The following PPP6R2 variants were observed in gnomAD, a reference collection of about 807,000 sequenced individuals.
PPP6R2 encodes the protein serine/threonine-protein phosphatase 6 regulatory subunit 2.
A neutral mutation model predicts 100.2 loss-of-function variants in PPP6R2; 62 were observed. That is an observed-to-expected ratio of 0.62 (90% CI 0.50 to 0.76). The LOEUF is 0.76. Among genes scored for constraint, PPP6R2 ranks in the 30% least tolerant of loss-of-function variants. The pLI is 0.00. For synonymous variants in PPP6R2, 525 were observed against 514.7 expected (o/e 1.02, Z -0.27); for missense variants, 1,142 against 1,276.3 (o/e 0.89, Z 1.60).
intron 4 of PPP6R2, among the ~76,000 whole-genome samples, chr22:50,411,360 C>T (rs1389354593): frequency 2.6e-5 from 4 of 151,722 alleles, no homozygotes; most frequent in Non-Finnish European, 5.9e-5. Context: ...GGGGCTGAGA[C>T]AGGAGAATCA....
At position 50,422,314 on chromosome 22, in the gene PPP6R2, C is replaced by T; in HGVS notation, c.906C>T (p.Ser302=). 6.2e-7 allele frequency: 1 copy of T among 1,614,142 alleles called. No homozygotes were observed. Among genetic ancestry groups the T allele is most frequent in the East Asian group, 2.2e-5 (1 of 44,874 alleles). The change falls in exon 9 of 24, where the codon AGC becomes AGT. Residue 302 remains serine, a synonymous_variant. Transcript: ENST00000612753. The stretch of plus-strand genomic sequence containing the variant: ...TGGAAAGGTCATACGCTGTCAGCAG[C>T]AGCGTACTACACGGCATCGAGCCTC... ...QGLERSYAVS[S]SVLHGIEPRL...
intron 2 of PPP6R2, among the ~76,000 whole-genome samples, chr22:50,393,091 T>A (rs1187593806): frequency 1.3e-5 from 2 of 152,206 alleles, no homozygotes; most frequent in Non-Finnish European, 2.9e-5. Context: ...GCCTGCAGAA[T>A]GACATGTGAG....
At chr22:50,427,287 C>T (rs545985009) in intron 10 of PPP6R2, among the ~76,000 whole-genome samples, 14 of 151,762 alleles carry the variant, frequency 9.2e-5, no homozygotes, top group African/African-American at 2.7e-4. Flanking sequence ...ATGCCAGTGT[C>T]GCACTGTTTT....
Position 50,431,441 on chromosome 22 carries a change from C to A in PPP6R2, c.1335+59C>A. 6.8e-7 allele frequency: 1 copy of A among 1,470,364 alleles called. No individual in the cohort carries two copies. Among genetic ancestry groups the A allele is most frequent in the Non-Finnish European group, 9.3e-7 (1 of 1,071,324 alleles). 91.1% of individuals were successfully genotyped at this position (1,470,364 alleles called of 1,614,324 possible). A position where few individuals can be genotyped will look rare whatever the true frequency, so the allele number is the denominator to read the frequency against. On this transcript the variant is annotated intron_variant, in intron 11 of 23. Coordinates refer to ENST00000612753, the MANE Select transcript of PPP6R2 (RefSeq NM_001242898.2). This position sits in a 1 kb window ranked among gnomAD's most constrained non-coding sequence, Gnocchi z 4.8. ...AACTGCGCCCCACTCAGACCGTGTC[C>A]ATGTCAGCGCTGACGTGTGCCGGAC...
chr22:50,361,525 G>A (rs2047793114), intron 1 of PPP6R2, among the ~76,000 whole-genome samples: 1 of 152,098 alleles, frequency 6.6e-6, no homozygotes, highest in South Asian at 2.1e-4. Flanking sequence ...TGTGCGTCTT[G>A]TTTGGACTTG....
rs2060920753 is a variant in PPP6R2 at position 50,418,927 on chromosome 22, A to G, written c.679A>G (p.Ser227Gly). The change falls in exon 7 of 24, where the codon AGT becomes GGT. Residue 227 changes from serine to glycine, a missense_variant. Around this residue, in one of 2 missense-constraint regions of PPP6R2, gnomAD observed 592 missense variants for 758.9 expected, o/e 0.78. Transcript: ENST00000612753. Reference protein sequence around the residue: ...DIVRLGRDQGSQLQEALEPDP... With the variant: ...DIVRLGRDQGGQLQEALEPDP... ...AGTTAGGCTGGGCAGAGACCAGGGC[A>G]GTCAGCTGCAAGAGGCTCTGGAGCC... The G allele has an allele frequency of 6.2e-7, 1 of 1,613,848 alleles. No homozygotes were observed. Among genetic ancestry groups the G allele is most frequent in the African/African-American group, 1.3e-5 (1 of 74,942 alleles).
rs757047069 is a variant in PPP6R2 at position 50,416,173 on chromosome 22, A to G, written c.618+16A>G. 1 of 1,610,204 alleles carries G rather than the reference A, an allele frequency of 6.2e-7. No individual in the cohort carries two copies. The highest frequency in any genetic ancestry group is 8.5e-7 in the Non-Finnish European group (1 of 1,176,856). The stretch of plus-strand genomic sequence containing the variant: ...GGATGAAGATGTGAGTGTGCTGCTT[A>G]CCGAGCTTCGTGCATCAGTCCAGGC... On this transcript the variant is annotated intron_variant, in intron 6 of 23. Coordinates refer to ENST00000612753, the MANE Select transcript of PPP6R2 (RefSeq NM_001242898.2).
intron 3 of PPP6R2, among the ~76,000 whole-genome samples, chr22:50,395,504 C>G (rs1332796570): frequency 6.6e-6 from 1 of 152,156 alleles, no homozygotes; most frequent in Admixed American, 6.5e-5. Context: ...CAAACCTCGG[C>G]CTGCAGGTCA....
chr22:50,368,483 T>C (rs1314358820), intron 1 of PPP6R2, among the ~76,000 whole-genome samples: 2 of 152,214 alleles, frequency 1.3e-5, no homozygotes, highest in African/African-American at 4.8e-5. Context: ...TTTTCCTAGG[T>C]TATAATTGTA....
At chr22:50,337,691 TGTG>T in the PPP6R2 span, among the ~76,000 whole-genome samples, 191 of 113,622 alleles carry the variant, frequency 1.7e-3, 1 homozygote, top group South Asian at 4.6e-3. Flanking sequence ...CCATATGTGG[TGTG>T]GTGTGTGTGC....
intron 8 of PPP6R2, among the ~76,000 whole-genome samples, chr22:50,419,976 T>C (rs1468768306): frequency 6.6e-6 from 1 of 152,076 alleles, no homozygotes; most frequent in African/African-American, 2.4e-5. Context: ...CCCAGGCGAC[T>C]CTCCTCCATT....
intron 1 of PPP6R2, among the ~76,000 whole-genome samples, chr22:50,364,020 G>A (rs557193374): frequency 6.6e-6 from 1 of 151,578 alleles, no homozygotes; most frequent in East Asian, 1.9e-4. Context: ...TAAGCCTCCC[G>A]AGTAGCTGGG....
intron 3 of PPP6R2, among the ~76,000 whole-genome samples, chr22:50,400,461 C>T (rs1011738513): frequency 2.0e-5 from 3 of 152,172 alleles, no homozygotes; most frequent in Admixed American, 6.6e-5. Context: ...TGGGAGCCTC[C>T]GTGTTGTCCT....
rs149802929 is a variant in PPP6R2 at position 50,349,349 on chromosome 22, G to A, written c.-148+5799G>A. ...ATTGCACTCCAGCCTGGGCGACAGC[G>A]TGAGACCCTGTCTCAAAAAAAAAAA... On this transcript the variant is annotated intron_variant, in intron 1 of 23. Coordinates refer to ENST00000612753, the MANE Select transcript of PPP6R2 (RefSeq NM_001242898.2). Among the ~76,000 whole-genome samples the A allele has an allele frequency of 5.2e-3, 722 of 138,948 alleles. 8 individuals are homozygous for A. Among genetic ancestry groups the A allele is most frequent in the African/African-American group, 0.019 (669 of 35,792 alleles). The allele number at this position is 138,948 out of a possible 152,430, so 91.2% of individuals were successfully genotyped here. A position where few individuals can be genotyped will look rare whatever the true frequency, so the allele number is the denominator to read the frequency against.
At chr22:50,429,742 G>A (rs1240395196) in intron 10 of PPP6R2, among the ~76,000 whole-genome samples, 1 of 152,176 alleles carries the variant, frequency 6.6e-6, no homozygotes, top group African/African-American at 2.4e-5. Flanking sequence ...CAAAATAAAT[G>A]TTTGGTAGAA....
At chr22:50,341,855 C>T (rs368010169), upstream of PPP6R2, among the ~76,000 whole-genome samples, 990 of 152,172 alleles carry the variant, frequency 6.5e-3, 8 homozygotes, top group African/African-American at 0.022. Flanking sequence ...TAGCCGGGCG[C>T]GGTGGCGGGC....
intron 1 of PPP6R2, among the ~76,000 whole-genome samples, chr22:50,358,423 G>A (rs1569280680): frequency 6.6e-6 from 1 of 152,068 alleles, no homozygotes; most frequent in Non-Finnish European, 1.5e-5. Flanking sequence ...GCTGCCCTGT[G>A]TTTTTTGTAG....
At chr22:50,427,038 A>T (rs1476414892) in intron 10 of PPP6R2, among the ~76,000 whole-genome samples, 1 of 151,088 alleles carries the variant, frequency 6.6e-6, no homozygotes, top group Non-Finnish European at 1.5e-5. Flanking sequence ...AATATGAAAA[A>T]ATTAGCTGGG....
chr22:50,437,548 G>A lies in PPP6R2; in HGVS notation c.1726G>A (p.Val576Met), dbSNP rs769695089. The A allele has an allele frequency of 7.9e-6, 12 of 1,509,564 alleles. No individual in the cohort carries two copies. Among genetic ancestry groups the A allele is most frequent in the Middle Eastern group, 1.8e-4 (1 of 5,572 alleles). 93.5% of individuals were successfully genotyped at this position (1,509,564 alleles called of 1,614,324 possible). Residue 576 changes from valine to methionine, a missense_variant, in exon 16 of 24, where the codon GTG becomes ATG. This residue lies in a region of PPP6R2 where 592 missense variants were observed against 758.9 expected (regional missense o/e 0.78). Transcript: ENST00000612753. Reference sequence around the variant, plus strand: ...GATCCAGCAGATGACAGCCAACTTCGTGGATCAGTTTGGCTTCAATGATGA... The same window carrying A: ...GATCCAGCAGATGACAGCCAACTTCATGGATCAGTTTGGCTTCAATGATGA... ...YQIQQMTANFVDQFGFNDEEF... is the reference protein window; with the variant it reads ...YQIQQMTANFMDQFGFNDEEF...
Sources: allele counts gnomAD v4.1 joint callset (sites outside exome capture counted in the v4.1 genomes callset), GRCh38; gene constraint gnomAD v4.1.1; regional missense constraint gnomAD v4.1.1; non-coding constraint Gnocchi (gnomAD v3.1); transcripts MANE v1.5; gene names NCBI Gene and HGNC (gene_info 2026-07-23, HGNC 2026-07-21).